The following SH2D4A variants were observed in gnomAD, a reference collection of about 807,000 sequenced individuals.
The protein encoded by SH2D4A is SH2 domain-containing protein 4A.
In SH2D4A, 70 loss-of-function variants were observed where a neutral mutation model predicts 64.7. The ratio of observed to expected loss-of-function variants is 1.08; its 90% CI spans 0.89 to 1.32. The LOEUF is 1.32. Among genes scored for constraint, SH2D4A ranks in the 40% most tolerant of loss-of-function variants. The pLI is 0.00. For missense variants in SH2D4A, 706 were observed against 540.1 expected, an observed-to-expected ratio of 1.31 and a Z score of -3.04; for synonymous variants, 268 against 200.7, an observed-to-expected ratio of 1.34 and a Z score of -2.83.
chr8:19,372,752 C>G (rs2053124429), intron 7 of SH2D4A, among the ~76,000 whole-genome samples: 1 of 152,158 alleles, frequency 6.6e-6, no homozygotes, highest in African/African-American at 2.4e-5. Flanking sequence ...TTAGGTTCTG[C>G]TACTGAATCT....
intron 4 of SH2D4A, among the ~76,000 whole-genome samples, chr8:19,355,656 G>A (rs1378520122): frequency 4.6e-5 from 7 of 152,150 alleles, no homozygotes; most frequent in African/African-American, 1.7e-4. Flanking sequence ...CCTGAGACTT[G>A]GTTTCCTCAT....
At chr8:19,373,703 GATGAAGCTGTGCT>G (rs746036665) in intron 8 of SH2D4A, 43 bp downstream of exon 8, 1 of 1,589,400 alleles carries the variant, frequency 6.3e-7, no homozygotes, top group Non-Finnish European at 8.6e-7. Context: ...TCTTAGGGCG[GATGAAGCTGTGCT>G]AATCTACCAG....
intron 2 of SH2D4A, among the ~76,000 whole-genome samples, chr8:19,329,071 A>G (rs2052329292): frequency 6.6e-6 from 1 of 151,688 alleles, no homozygotes; most frequent in South Asian, 2.1e-4. Context: ...CCTGGTGGAG[A>G]CCCTCATTTC....
chr8:19,331,163 C>T (rs1010913966), intron 2 of SH2D4A, among the ~76,000 whole-genome samples: 2 of 152,218 alleles, frequency 1.3e-5, no homozygotes, highest in Non-Finnish European at 1.5e-5. Flanking sequence ...AAAGAAAGCA[C>T]GAGCCTGGCT....
rs1344459194 is a variant in SH2D4A at position 19,365,945 on chromosome 8, T to G, written c.917+1663T>G. Among the ~76,000 whole-genome samples the G allele has an allele frequency of 1.1e-4, 17 of 152,106 alleles. 1 individual carries two copies. Reference sequence around the variant, plus strand: ...TGTCTGCCTCCCAGGGAAGTAAATATTATAGGATATTTTCTCGAAAATGCT... The same window carrying G: ...TGTCTGCCTCCCAGGGAAGTAAATAGTATAGGATATTTTCTCGAAAATGCT... On this transcript the variant is annotated intron_variant, in intron 7 of 9. Coordinates refer to ENST00000265807, the MANE Select transcript of SH2D4A (RefSeq NM_022071.4).
In SH2D4A at chr8:19,373,668, C is replaced by T. The variant is rs758957922; in HGVS notation, c.1048+8C>T. 2.5e-6 allele frequency: 4 copies of T among 1,612,356 alleles called. No homozygotes were observed. Among genetic ancestry groups the T allele is most frequent in the East Asian group, 2.2e-5 (1 of 44,774 alleles). ...TAGCCCCCTGGTTCCATGGTGAGTG[C>T]AGAGATTTCCTCAATGGTGTTTCGT... On this transcript the variant is annotated splice_region_variant and intron_variant, in intron 8 of 9. Transcript: ENST00000265807.
intron 8 of SH2D4A, among the ~76,000 whole-genome samples, chr8:19,388,260 TG>T (rs1242283089): frequency 2.0e-5 from 3 of 152,232 alleles, no homozygotes; most frequent in African/African-American, 7.2e-5. Flanking sequence ...CTTGGGCACT[TG>T]CCTTTTCTGC....
intron 4 of SH2D4A, among the ~76,000 whole-genome samples, chr8:19,346,184 C>A (rs751858524): frequency 6.6e-6 from 1 of 152,216 alleles, no homozygotes; most frequent in African/African-American, 2.4e-5. Flanking sequence ...TTACAGGCAG[C>A]CCTGATACTT....
intron 7 of SH2D4A, among the ~76,000 whole-genome samples, chr8:19,369,616 G>A (rs1393191999): frequency 6.6e-6 from 1 of 151,894 alleles, no homozygotes; most frequent in Non-Finnish European, 1.5e-5. Flanking sequence ...CCATTTTGTT[G>A]ACATACAGTT....
chr8:19,378,963 T>C (rs902222885), intron 8 of SH2D4A, among the ~76,000 whole-genome samples: 1 of 147,920 alleles, frequency 6.8e-6, no homozygotes, highest in Non-Finnish European at 1.5e-5. Flanking sequence ...ATGCCTGTAG[T>C]CCCAGCTGCC....
At chr8:19,357,087 G>C in intron 4 of SH2D4A, 116 bp from the exon 5 acceptor site, 2 of 778,500 alleles carry the variant, frequency 2.6e-6, no homozygotes, top group Non-Finnish European at 4.3e-6. Flanking sequence ...GCCTTGGGTG[G>C]ATCCATCTGT....
At chr8:19,332,713 AG>A in intron 2 of SH2D4A, among the ~76,000 whole-genome samples, 1 of 145,600 alleles carries the variant, frequency 6.9e-6, no homozygotes, top group East Asian at 2.0e-4. Context: ...AAAAAAAAAA[AG>A]CACGGGCAAA....
At chr8:19,328,612 G>C (rs1264930599) in intron 2 of SH2D4A, among the ~76,000 whole-genome samples, 1 of 152,118 alleles carries the variant, frequency 6.6e-6, no homozygotes, top group Non-Finnish European at 1.5e-5. Context: ...AATGCTGACT[G>C]AATACCCACC....
Position 19,382,823 on chromosome 8 carries a change from C to CTTTTTTTTTTTTTTTTTTTTTTTT in SH2D4A, c.1048+9165_1048+9188dup, listed in dbSNP as rs1159245319. 7.1e-4 allele frequency among the ~76,000 whole-genome samples: 46 copies of CTTTTTTTTTTTTTTTTTTTTTTTT among 64,628 alleles called. 7 individuals carry two copies. The highest frequency in any genetic ancestry group is 8.7e-4 in the Non-Finnish European group (30 of 34,650). 42.4% of individuals were successfully genotyped at this position (64,628 alleles called of 152,430 possible). A position where few individuals can be genotyped will look rare whatever the true frequency, so the allele number is the denominator to read the frequency against. ...TTTCTCTCTTGCTGCTTTTAAGATT[C>CTTTTTTTTTTTTTTTTTTTTTTTT]TTTTTTTTTTTTTTTTTTTTTTTTT... On this transcript the variant is annotated intron_variant, in intron 8 of 9. Transcript: ENST00000265807.
intron 8 of SH2D4A, among the ~76,000 whole-genome samples, chr8:19,382,494 T>A (rs941173198): frequency 7.2e-5 from 11 of 152,198 alleles, no homozygotes; most frequent in African/African-American, 2.7e-4. Context: ...ACATGGGATA[T>A]TCAACGCTTA....
chr8:19,378,478 C>T (rs1313164716), intron 8 of SH2D4A, among the ~76,000 whole-genome samples: 1 of 152,124 alleles, frequency 6.6e-6, no homozygotes, highest in East Asian at 1.9e-4. Flanking sequence ...TCTTGTTGCC[C>T]AGGCTGGAGT....
chr8:19,336,455 T>C (rs2052447409), intron 4 of SH2D4A, among the ~76,000 whole-genome samples: 1 of 152,074 alleles, frequency 6.6e-6, no homozygotes, highest in African/African-American at 2.4e-5. Flanking sequence ...CAGGTGTGCT[T>C]TGCACTCAGC....
At chr8:19,345,901 AG>A (rs775328223) in intron 4 of SH2D4A, among the ~76,000 whole-genome samples, 3 of 152,230 alleles carry the variant, frequency 2.0e-5, no homozygotes, top group Non-Finnish European at 4.4e-5. Context: ...TCACCCTGAT[AG>A]CCATGAGAAG....
chr8:19,393,843 T>A (rs1234756485), intron 9 of SH2D4A, among the ~76,000 whole-genome samples: 3 of 152,160 alleles, frequency 2.0e-5, no homozygotes, highest in African/African-American at 7.2e-5. Flanking sequence ...ATCCCCAAAC[T>A]TTGTGACACC....
Sources: allele counts gnomAD v4.1 joint callset (sites outside exome capture counted in the v4.1 genomes callset), GRCh38; gene constraint gnomAD v4.1.1; transcripts MANE v1.5; gene names NCBI Gene and HGNC (gene_info 2026-07-23, HGNC 2026-07-21).